Variants in RIPOR2 observed in about 807,000 individuals in gnomAD.
RIPOR2 encodes the protein rho family-interacting cell polarization regulator 2.
In RIPOR2, 39 loss-of-function variants were observed where a neutral mutation model predicts 114.5. The observed-to-expected ratio is 0.34, with a 90% confidence interval of 0.26 to 0.44. The LOEUF is 0.44. Among genes scored for constraint, RIPOR2 ranks in the 20% least tolerant of loss-of-function variants. The pLI is 1.00. For missense variants in RIPOR2, 1,007 were observed against 1,255.1 expected (o/e 0.80, Z 2.99); for synonymous variants, 445 against 484.4 (o/e 0.92, Z 1.07).
At position 24,828,159 on chromosome 6, in the gene RIPOR2, G is replaced by T; in HGVS notation, c.2643C>A (p.Tyr881Ter). Residue 881 changes from tyrosine to a stop codon, truncating the protein, a stop_gained, in exon 18 of 22, where the codon TAC (tyrosine) becomes TAA (stop). Transcript: ENST00000643898. LOFTEE classifies it high-confidence loss of function. ...CACCTTGCCTGGCCAGCTGGCTCAG[G>T]TAACTCTCCAGGTCACTGACGCCGT... ...TSHGVSDLES[Y>*]LSQLARQVSM... 1.3e-6 allele frequency: 2 copies of T among 1,549,020 alleles called. No homozygotes were observed. The highest frequency in any genetic ancestry group is 8.7e-7 in the Non-Finnish European group (1 of 1,145,462).
chr6:24,985,603 G>T (rs1774495490), intron 1 of RIPOR2, among the ~76,000 whole-genome samples: 1 of 152,118 alleles, frequency 6.6e-6, no homozygotes, highest in Admixed American at 6.6e-5. Flanking sequence ...ACATTGACAG[G>T]ATGAATTTCT....
At chr6:24,953,272 G>A (rs1168973409) in intron 1 of RIPOR2, among the ~76,000 whole-genome samples, 4 of 152,176 alleles carry the variant, frequency 2.6e-5, no homozygotes, top group Non-Finnish European at 5.9e-5. Flanking sequence ...GGCAGAGGTT[G>A]CGGTGAGCCG....
chr6:24,975,304 A>G (rs1157728358), intron 1 of RIPOR2, among the ~76,000 whole-genome samples: 1 of 152,222 alleles, frequency 6.6e-6, no homozygotes, highest in Non-Finnish European at 1.5e-5. Context: ...AATATACTTT[A>G]ATAAGGAACT....
chr6:24,960,437 A>C (rs757932587), intron 1 of RIPOR2, among the ~76,000 whole-genome samples: 1 of 152,194 alleles, frequency 6.6e-6, no homozygotes, highest in Non-Finnish European at 1.5e-5. Flanking sequence ...TCCAGCCCTC[A>C]TGGTCTAATC....
At chr6:24,978,312 T>G (rs373517337) in intron 1 of RIPOR2, among the ~76,000 whole-genome samples, 24 of 152,172 alleles carry the variant, frequency 1.6e-4, no homozygotes, top group Admixed American at 6.5e-4. Context: ...AATGTGAGAG[T>G]GCTTTCAAGT....
At chr6:24,921,795 G>A (rs1029122186) in intron 1 of RIPOR2, among the ~76,000 whole-genome samples, 10 of 151,868 alleles carry the variant, frequency 6.6e-5, no homozygotes, top group African/African-American at 2.4e-4. Context: ...CCAAGCATGT[G>A]GAAGACTTTC....
At chr6:24,873,825 G>A in intron 2 of RIPOR2, 26 bp from the exon 3 acceptor site, 1 of 1,579,994 alleles carries the variant, frequency 6.3e-7, no homozygotes, top group Non-Finnish European at 8.6e-7. Flanking sequence ...AAGAAATTGT[G>A]AGGATTGGGC....
intron 1 of RIPOR2, among the ~76,000 whole-genome samples, chr6:25,017,198 G>C (rs1776050733): frequency 6.6e-6 from 1 of 152,140 alleles, no homozygotes; most frequent in Admixed American, 6.5e-5. Context: ...AAATTAGCCA[G>C]GTAATCCCCG....
At chr6:24,891,002 T>A (rs1219297260) in intron 1 of RIPOR2, among the ~76,000 whole-genome samples, 1 of 152,196 alleles carries the variant, frequency 6.6e-6, no homozygotes, top group Non-Finnish European at 1.5e-5. Flanking sequence ...TGCTGTTTTG[T>A]ATAAAGTCAT....
At chr6:24,915,880 G>C (rs1241279612) in intron 1 of RIPOR2, among the ~76,000 whole-genome samples, 3 of 152,148 alleles carry the variant, frequency 2.0e-5, no homozygotes, top group Non-Finnish European at 4.4e-5. Context: ...CACTGCAGTT[G>C]GTTCCAGAAG....
chr6:24,833,501 AAAAAACAAAAAC>A (rs532471352), intron 15 of RIPOR2, among the ~76,000 whole-genome samples: 86 of 151,934 alleles, frequency 5.7e-4, no homozygotes, highest in Non-Finnish European at 1.1e-3. Flanking sequence ...ATTGTCTCAA[AAAAAACAAAAAC>A]AAAAACAACA....
At chr6:24,840,982 G>A (rs1360427486) in intron 13 of RIPOR2, among the ~76,000 whole-genome samples, 1 of 152,154 alleles carries the variant, frequency 6.6e-6, no homozygotes, top group African/African-American at 2.4e-5. Flanking sequence ...ATTTTATCTT[G>A]TACAGTACAG....
chr6:25,019,774 C>CAAAAAAAAAAAAAAAAAAAAAAAAAA (rs34107737), intron 1 of RIPOR2, among the ~76,000 whole-genome samples: 20 of 53,086 alleles, frequency 3.8e-4, no homozygotes, highest in East Asian at 8.3e-4. Context: ...GACTCTGTCT[C>CAAAAAAAAAAAAAAAAAAAAAAAAAA]AAAAAAAAAA....
At position 24,828,338 on chromosome 6, in the gene RIPOR2, C is replaced by CCATT. The variant is rs10666595; in HGVS notation, c.2507-47_2507-44dup. 307,261 of 1,187,716 alleles carry CCATT rather than the reference C, an allele frequency of 0.26. 45,992 individuals carry two copies. Among genetic ancestry groups the CCATT allele is most frequent in the East Asian group, 0.59 (18,069 of 30,706 alleles). 73.6% of individuals were successfully genotyped at this position (1,187,716 alleles called of 1,614,324 possible). On this transcript the variant is annotated intron_variant, in intron 17 of 21. Coordinates refer to ENST00000643898, the MANE Select transcript of RIPOR2 (RefSeq NM_001286445.3). ...ACACAAAGCAGCTTTAGATAGATGACCATTCATTCATTCATTCATTCAATA... is the reference window on the plus strand; with the variant it reads ...ACACAAAGCAGCTTTAGATAGATGACCATTCATTCATTCATTCATTCATTCAATA...
In RIPOR2 at chr6:24,870,842, C is replaced by A. The variant is rs1290457523; in HGVS notation, c.447+24G>T. 2.5e-6 allele frequency: 4 copies of A among 1,594,292 alleles called. No individual in the cohort carries two copies. The Admixed American group carries it at 6.9e-5, about 27-fold the overall frequency. ...ATGCAGAATTTTTTTCTTATTAGCA[C>A]CCCAACACGGAATGGCAACTTACCT... On this transcript the variant is annotated intron_variant, in intron 5 of 21. Coordinates refer to ENST00000643898, the MANE Select transcript of RIPOR2 (RefSeq NM_001286445.3).
At chr6:25,009,164 C>A (rs1775677643) in intron 1 of RIPOR2, among the ~76,000 whole-genome samples, 2 of 152,146 alleles carry the variant, frequency 1.3e-5, no homozygotes, top group Non-Finnish European at 2.9e-5. Context: ...AAGGCAAGCC[C>A]CTCGCAGTAG....
chr6:24,976,656 T>A, intron 1 of RIPOR2: 1 of 1,609,212 alleles, frequency 6.2e-7, no homozygotes. Flanking sequence ...ACAGAATTAT[T>A]CCAGGGTTTA....
In RIPOR2 at chr6:24,832,901, T is replaced by C. The variant is rs536840771; in HGVS notation, c.2209-510A>G. ...GCTCACTATGTGCCAGGCACTGGTC[T>C]GAGTTCTGTATAAGTGTTAGCTTAT... On this transcript the variant is annotated intron_variant, in intron 15 of 21. Transcript: ENST00000643898. Among the ~76,000 whole-genome samples the C allele has an allele frequency of 2.6e-5, 4 of 152,356 alleles. No individual in the cohort carries two copies. The South Asian group carries it at 8.3e-4, about 32-fold the overall frequency.
At chr6:24,857,524 T>C (rs1359354416) in intron 8 of RIPOR2, among the ~76,000 whole-genome samples, 1 of 152,172 alleles carries the variant, frequency 6.6e-6, no homozygotes, top group African/African-American at 2.4e-5. Flanking sequence ...TCAGACACCA[T>C]TCTGCCAGAA....
Sources: allele counts gnomAD v4.1 joint callset (sites outside exome capture counted in the v4.1 genomes callset), GRCh38; gene constraint gnomAD v4.1.1; transcripts MANE v1.5; gene names NCBI Gene and HGNC (gene_info 2026-07-23, HGNC 2026-07-21).